The following NDUFA12 variants were observed in gnomAD, a reference collection of about 807,000 sequenced individuals.
The protein encoded by NDUFA12 is NADH dehydrogenase [ubiquinone] 1 alpha subcomplex subunit 12.
NDUFA12 carries 17 observed loss-of-function variants against 20.3 expected under a neutral mutation model. The observed-to-expected ratio is 0.84, with a 90% CI of 0.57 to 1.26. The LOEUF is 1.26. Ranked by LOEUF, NDUFA12 falls within the 50% of genes most tolerant of loss-of-function variation. The probability of loss-of-function intolerance (pLI) is 0.00; values close to 1 mark genes in which losing one functional copy is unlikely to be tolerated. For synonymous variants in NDUFA12, 72 were observed against 63.6 expected (o/e 1.13, Z -0.63); for missense variants, 191 against 183.7 (o/e 1.04, Z -0.23).
chr12:94,980,238 C>CACTT (rs1382491064), intron 3 of NDUFA12, among the ~76,000 whole-genome samples: 1 of 152,116 alleles, frequency 6.6e-6, no homozygotes, highest in Non-Finnish European at 1.5e-5. Context: ...AGGTATCACA[C>CACTT]ACTTACTATG....
Position 94,988,318 on chromosome 12 carries a change from A to G in NDUFA12, c.257+5852T>C, listed in dbSNP as rs150449780. Among the ~76,000 whole-genome samples the G allele has an allele frequency of 5.9e-5, 9 of 152,278 alleles. No individual in the cohort carries two copies. In the East Asian group the frequency reaches 1.5e-3, roughly 26 times the overall value. On this transcript the variant is annotated intron_variant, in intron 3 of 3. Coordinates refer to ENST00000327772, the MANE Select transcript of NDUFA12 (RefSeq NM_018838.5). The stretch of plus-strand genomic sequence containing the variant: ...TATGGTCATATTGTGGTTATGTAGG[A>G]CAATGTTCTTGTTTGCAAGACGTAC...
intron 3 of NDUFA12, among the ~76,000 whole-genome samples, chr12:94,980,697 T>C (rs938916738): frequency 3.3e-5 from 5 of 152,126 alleles, no homozygotes; most frequent in Non-Finnish European, 7.4e-5. Context: ...GAGGAGAGAC[T>C]GGTGTAACTA....
chr12:94,971,482 C>G lies in NDUFA12; in HGVS notation c.396G>C (p.Lys132Asn). The part of the protein sequence containing the change: ...EQYVPYSTTR[K>N]KIQEWIPPST... ...AAGGTGGGATCCACTCCTGAATCTT[C>G]TTTCTAGTGGTAGAATAAGGTACAT... Residue 132 changes from lysine (K) to asparagine (N), a missense_variant, in exon 4 of 4, where the codon AAG becomes AAC. Transcript: ENST00000327772. The G allele has an allele frequency of 1.2e-6, 2 of 1,614,002 alleles. No individual in the cohort carries two copies. Among genetic ancestry groups the G allele is most frequent in the Non-Finnish European group, 1.7e-6 (2 of 1,179,830 alleles).
chr12:94,985,423 C>T (rs1360267652), intron 3 of NDUFA12, among the ~76,000 whole-genome samples: 5 of 151,018 alleles, frequency 3.3e-5, no homozygotes, highest in Non-Finnish European at 7.4e-5. Context: ...AGGAGATCAA[C>T]ACAATCCTGG....
intron 2 of NDUFA12, among the ~76,000 whole-genome samples, chr12:95,001,073 G>A (rs988726886): frequency 2.0e-5 from 3 of 152,220 alleles, no homozygotes; most frequent in Non-Finnish European, 4.4e-5. Context: ...GGGAGGCTGA[G>A]ACAAGAGGAT....
intron 1 of NDUFA12, among the ~76,000 whole-genome samples, chr12:95,003,170 T>C (rs984581932): frequency 1.3e-5 from 2 of 152,222 alleles, no homozygotes; most frequent in Non-Finnish European, 2.9e-5. Context: ...TGGGTCTCCA[T>C]TTAGGTTTCT....
At chr12:94,971,665 A>G (rs1206412131) in intron 3 of NDUFA12, 45 bp from the exon 4 acceptor site, 9 of 1,605,290 alleles carry the variant, frequency 5.6e-6, no homozygotes, top group Admixed American at 5.0e-5. Context: ...GAGGCAGTAC[A>G]GCATAGTGGA....
intron 1 of NDUFA12, 123 bp downstream of exon 1, chr12:95,003,472 G>T: frequency 9.7e-7 from 1 of 1,027,344 alleles, no homozygotes; most frequent in Non-Finnish European, 1.5e-6. Flanking sequence ...GCAGAGATTG[G>T]GGCGGTTGTC....
chr12:94,985,168 T>A lies in NDUFA12; in HGVS notation c.257+9002A>T, dbSNP rs184045003. On this transcript the variant is annotated intron_variant, in intron 3 of 3. Transcript: ENST00000327772. The stretch of plus-strand genomic sequence containing the variant: ...GGAGACTGTGTTTTTATAAAAAAAA[T>A]TTTTAAATTAGTCGGGCATGGTGGC... Among the ~76,000 whole-genome samples, 214 of 151,810 alleles carry A rather than the reference T, an allele frequency of 1.4e-3. 1 individual carries two copies. Among genetic ancestry groups the A allele is most frequent in the African/African-American group, 4.1e-3 (170 of 41,356 alleles).
chr12:94,989,346 T>C (rs1033108739), intron 3 of NDUFA12, among the ~76,000 whole-genome samples: 3 of 152,206 alleles, frequency 2.0e-5, no homozygotes, highest in Non-Finnish European at 4.4e-5. Flanking sequence ...TAAATAGTTA[T>C]TTGAATAGGG....
intron 3 of NDUFA12, among the ~76,000 whole-genome samples, chr12:94,980,775 C>T (rs954997787): frequency 2.0e-5 from 3 of 150,578 alleles, no homozygotes; most frequent in East Asian, 1.9e-4. Context: ...AAACGGTATA[C>T]GTGCAATAGA....
chr12:94,977,228 G>A (rs905436389), intron 3 of NDUFA12, among the ~76,000 whole-genome samples: 1 of 152,174 alleles, frequency 6.6e-6, no homozygotes, highest in Non-Finnish European at 1.5e-5. Flanking sequence ...TAGGCACAGT[G>A]GCTGTCACAT....
In NDUFA12 at chr12:94,994,235, A is replaced by G; in HGVS notation, c.192T>C (p.Tyr64=). 1 of 1,614,220 alleles carries G rather than the reference A, an allele frequency of 6.2e-7. No individual in the cohort carries two copies. Among genetic ancestry groups the G allele is most frequent in the Non-Finnish European group, 8.5e-7 (1 of 1,180,022 alleles). Residue 64 remains tyrosine, a synonymous_variant, in exon 3 of 4, where the codon TAT becomes TAC. Transcript: ENST00000327772. ...QFFGRHRWVV[Y]TTEMNGKNTF... ...TGTTTTTGCCATTCATTTCAGTAGT[A>G]TATACAACCCATCGGTGACGGCCTG...
chr12:94,996,197 C>T (rs1157428870), intron 2 of NDUFA12, among the ~76,000 whole-genome samples: 1 of 151,824 alleles, frequency 6.6e-6, no homozygotes, highest in African/African-American at 2.4e-5. Flanking sequence ...AACAGAGAGA[C>T]CCTGTCTCGA....
rs184853687 is a variant in NDUFA12, at chr12:94,995,257, G to A, written c.170-1000C>T. On this transcript the variant is annotated intron_variant, in intron 2 of 3. Coordinates refer to ENST00000327772, the MANE Select transcript of NDUFA12 (RefSeq NM_018838.5). ...GACCTCATCTCTTTTTAAAAATACAGATTTCAATCAACATTTACTGCTTCA... is the reference window on the plus strand; with the variant it reads ...GACCTCATCTCTTTTTAAAAATACAAATTTCAATCAACATTTACTGCTTCA... 5.0e-3 allele frequency among the ~76,000 whole-genome samples: 765 copies of A among 152,250 alleles called. 4 individuals are homozygous for A. Among genetic ancestry groups the A allele is most frequent in the African/African-American group, 0.017 (726 of 41,554 alleles).
At chr12:94,990,218 C>T (rs1226014162) in intron 3 of NDUFA12, among the ~76,000 whole-genome samples, 1 of 151,680 alleles carries the variant, frequency 6.6e-6, no homozygotes, top group Non-Finnish European at 1.5e-5. Context: ...GCACATGTAC[C>T]CTGGAGCTTA....
chr12:94,999,697 C>T (rs1874958777), intron 2 of NDUFA12, among the ~76,000 whole-genome samples: 1 of 151,564 alleles, frequency 6.6e-6, no homozygotes, highest in African/African-American at 2.4e-5. Flanking sequence ...AGAAGATATA[C>T]AAACAGTCAA....
At chr12:95,003,345 G>A (rs1293837165) in intron 1 of NDUFA12, among the ~76,000 whole-genome samples, 1 of 152,194 alleles carries the variant, frequency 6.6e-6, no homozygotes, top group African/African-American at 2.4e-5. Context: ...TCTCCAGGGC[G>A]TGGGAAAAGA....
At chr12:94,990,428 C>CA (rs1254202197) in intron 3 of NDUFA12, among the ~76,000 whole-genome samples, 1 of 151,940 alleles carries the variant, frequency 6.6e-6, no homozygotes, top group African/African-American at 2.4e-5. Flanking sequence ...AACCAAAGAG[C>CA]TTTTTTTATT....
Sources: allele counts gnomAD v4.1 joint callset (sites outside exome capture counted in the v4.1 genomes callset), GRCh38; gene constraint gnomAD v4.1.1; transcripts MANE v1.5; gene names NCBI Gene and HGNC (gene_info 2026-07-23, HGNC 2026-07-21).